The following GRIK2 variants were observed in gnomAD, a reference collection of about 807,000 sequenced individuals.
The protein encoded by GRIK2 is glutamate receptor ionotropic, kainate 2.
Under a neutral mutation model 100.3 loss-of-function variants are expected in GRIK2, and 32 were observed. The observed-to-expected ratio is 0.32, with a 90% CI of 0.24 to 0.43. GRIK2 has a LOEUF of 0.43. GRIK2 is among the 20% of genes least tolerant of loss of function. The pLI is 1.00. For missense variants in GRIK2, 843 were observed against 1,114.9 expected (o/e 0.76, Z 3.47); for synonymous variants, 417 against 389.4 (o/e 1.07, Z -0.83).
chr6:101,678,356 A>G lies in GRIK2; in HGVS notation c.723+1552A>G, dbSNP rs556751676. Among the ~76,000 whole-genome samples the G allele has an allele frequency of 7.0e-4, 106 of 152,264 alleles. 1 individual carries two copies. The highest frequency in any genetic ancestry group is 2.4e-3 in the African/African-American group (101 of 41,568). ...AAACATGCTTTGTTTGCAAAAGGAAAACAGAAATAATAGAATATTTAAATA... is the reference window on the plus strand; with the variant it reads ...AAACATGCTTTGTTTGCAAAAGGAAGACAGAAATAATAGAATATTTAAATA... On this transcript the variant is annotated intron_variant, in intron 5 of 16. Transcript: ENST00000369134.
chr6:101,791,354 A>T (rs972446068), intron 7 of GRIK2, among the ~76,000 whole-genome samples: 2 of 152,060 alleles, frequency 1.3e-5, no homozygotes, highest in African/African-American at 4.8e-5. Flanking sequence ...TAGTGCTATA[A>T]ATTTCCCTCT....
At chr6:101,615,064 C>A (rs1184118388) in intron 2 of GRIK2, among the ~76,000 whole-genome samples, 2 of 151,712 alleles carry the variant, frequency 1.3e-5, no homozygotes, top group Non-Finnish European at 2.9e-5. Context: ...CCAGGGATCA[C>A]TTGACATTTG....
chr6:101,572,280 G>A (rs1239908778), intron 2 of GRIK2, among the ~76,000 whole-genome samples: 1 of 151,842 alleles, frequency 6.6e-6, no homozygotes, highest in Non-Finnish European at 1.5e-5. Context: ...TGCTTAACGG[G>A]TACTTTTATT....
rs117890469 is a variant in GRIK2 at position 101,952,164 on chromosome 6, C to T, written c.2085+23532C>T. On this transcript the variant is annotated intron_variant, in intron 14 of 16. Transcript: ENST00000369134. The stretch of plus-strand genomic sequence containing the variant: ...ACATAAATGGAATCATCCTCTATGA[C>T]GGAACCATCCAGTATGTAACCTTTT... Among the ~76,000 whole-genome samples, 374 of 152,314 alleles carry T rather than the reference C, an allele frequency of 2.5e-3. 2 individuals carry two copies. The highest frequency in any genetic ancestry group is 4.1e-3 in the Admixed American group (62 of 15,298).
chr6:101,894,729 T>G (rs919456476), intron 12 of GRIK2, among the ~76,000 whole-genome samples: 3 of 151,746 alleles, frequency 2.0e-5, no homozygotes, highest in African/African-American at 7.2e-5. Flanking sequence ...ACTATTGATA[T>G]AATAGAAAAT....
intron 2 of GRIK2, among the ~76,000 whole-genome samples, chr6:101,619,018 T>G (rs1410346061): frequency 1.3e-5 from 2 of 148,806 alleles, no homozygotes; most frequent in East Asian, 3.9e-4. Context: ...TGAATCTACT[T>G]TTTTCTTCTT....
chr6:101,929,037 A>C (rs756824834), intron 14 of GRIK2, among the ~76,000 whole-genome samples: 1 of 152,186 alleles, frequency 6.6e-6, no homozygotes, highest in African/African-American at 2.4e-5. Context: ...ACGTACATTT[A>C]CTTTTGTTGA....
intron 12 of GRIK2, among the ~76,000 whole-genome samples, chr6:101,907,244 T>A (rs949833034): frequency 6.7e-6 from 1 of 149,814 alleles, no homozygotes; most frequent in Non-Finnish European, 1.5e-5. Context: ...CCAAATTAGG[T>A]TAGTGGAATA....
intron 11 of GRIK2, among the ~76,000 whole-genome samples, chr6:101,864,511 C>T (rs531653625): frequency 7.0e-4 from 106 of 152,270 alleles, no homozygotes; most frequent in African/African-American, 2.5e-3. Flanking sequence ...ACAAACAGTT[C>T]TAAGACTGAG....
chr6:101,837,462 A>T (rs1298992530), intron 10 of GRIK2, among the ~76,000 whole-genome samples: 1 of 152,206 alleles, frequency 6.6e-6, no homozygotes, highest in African/African-American at 2.4e-5. Context: ...GATTGTGTTA[A>T]TCATTTCATA....
In GRIK2 at chr6:101,676,669, TC is replaced by T. The variant is rs1476629319; in HGVS notation, c.589del (p.Leu197PhefsTer19). On this transcript the variant is annotated frameshift_variant, in exon 5 of 17. Transcript: ENST00000369134. LOFTEE classifies it high-confidence loss of function. ...ELIKAPSRYNLRLKIRQLPAD... is the reference protein window; with the variant it reads ...ELIKAPSRYNXRLKIRQLPAD... The stretch of plus-strand genomic sequence containing the variant: ...TCATCAAAGCTCCATCAAGGTATAA[TC>T]TTCGACTCAAAATTCGTCAGTTACC... The T allele has an allele frequency of 6.2e-7, 1 of 1,605,676 alleles. No homozygotes were observed. Among genetic ancestry groups the T allele is most frequent in the Non-Finnish European group, 8.5e-7 (1 of 1,174,332 alleles).
chr6:101,610,894 G>C (rs149065174), intron 2 of GRIK2, among the ~76,000 whole-genome samples: 13 of 151,716 alleles, frequency 8.6e-5, no homozygotes, highest in African/African-American at 2.9e-4. Flanking sequence ...ATCTCAGTTT[G>C]ATCAGTTCTA....
intron 14 of GRIK2, among the ~76,000 whole-genome samples, chr6:101,981,518 C>G (rs1415229380): frequency 6.6e-6 from 1 of 151,810 alleles, no homozygotes; most frequent in Non-Finnish European, 1.5e-5. Context: ...GATAAATTAT[C>G]TTTTAATTCA....
At chr6:101,411,435 T>G (rs1025364425) in intron 2 of GRIK2, among the ~76,000 whole-genome samples, 5 of 152,254 alleles carry the variant, frequency 3.3e-5, no homozygotes, top group Admixed American at 2.6e-4. Flanking sequence ...TAGATTTAGT[T>G]AGCATGTTAC....
rs568706874 is a variant in GRIK2, at chr6:101,562,963, T to C, written c.116-58986T>C. 5.6e-4 allele frequency among the ~76,000 whole-genome samples: 86 copies of C among 152,326 alleles called. 1 individual carries two copies. The highest frequency in any genetic ancestry group is 2.0e-3 in the African/African-American group (85 of 41,582). Reference sequence around the variant, plus strand: ...TGAGGAAAGGGGCAGTGAAGCTTTATAAGCTGCTATGCTTGCAATGGGGCT... The same window carrying C: ...TGAGGAAAGGGGCAGTGAAGCTTTACAAGCTGCTATGCTTGCAATGGGGCT... On this transcript the variant is annotated intron_variant, in intron 2 of 16. Transcript: ENST00000369134.
intron 4 of GRIK2, among the ~76,000 whole-genome samples, chr6:101,661,409 G>T (rs1769600282): frequency 6.6e-6 from 1 of 152,034 alleles, no homozygotes; most frequent in South Asian, 2.1e-4. Context: ...AGCTTGCTGG[G>T]CTCGGTGGGG....
intron 14 of GRIK2, among the ~76,000 whole-genome samples, chr6:101,938,089 T>C (rs1307156370): frequency 6.6e-6 from 1 of 152,124 alleles, no homozygotes; most frequent in Admixed American, 6.6e-5. Context: ...TGTTGTTTGT[T>C]ATTAAGAGCT....
chr6:101,701,053 G>A (rs1772858688), intron 7 of GRIK2, among the ~76,000 whole-genome samples: 1 of 152,076 alleles, frequency 6.6e-6, no homozygotes, highest in South Asian at 2.1e-4. Context: ...AATTTGAGAT[G>A]ATGGTAATAC....
intron 7 of GRIK2, among the ~76,000 whole-genome samples, chr6:101,775,556 A>G (rs1340916728): frequency 1.4e-5 from 2 of 144,604 alleles, no homozygotes; most frequent in Non-Finnish European, 3.0e-5. Flanking sequence ...TGTGAGATAT[A>G]TATATACACA....
Sources: gnomAD v4.1 joint callset for allele counts (sites outside exome capture counted in the v4.1 genomes callset) on GRCh38, gnomAD v4.1.1 for gene constraint, MANE v1.5 for transcripts, NCBI Gene and HGNC (gene_info 2026-07-23, HGNC 2026-07-21) for gene names.